CSGALNACT1: variants seen among roughly 807,000 people sequenced by gnomAD.
The protein encoded by CSGALNACT1 is chondroitin sulfate N-acetylgalactosaminyltransferase 1, also known as beta4GalNAcT-1.
In CSGALNACT1, 52 loss-of-function variants were observed where a neutral mutation model predicts 51.0. That is an observed-to-expected ratio of 1.02 (90% CI 0.82 to 1.29). CSGALNACT1 has a LOEUF of 1.29. Among genes scored for constraint, CSGALNACT1 ranks in the 50% most tolerant of loss-of-function variants. CSGALNACT1 has a pLI of 0.00. For missense variants in CSGALNACT1, 935 were observed against 679.2 expected (o/e 1.38, Z -4.19); for synonymous variants, 341 against 254.4 (o/e 1.34, Z -3.24).
chr8:19,419,852 T>C (rs2057612506), intron 7 of CSGALNACT1, among the ~76,000 whole-genome samples: 1 of 152,190 alleles, frequency 6.6e-6, no homozygotes, highest in African/African-American at 2.4e-5. Flanking sequence ...TTTGGCTGTG[T>C]CCCCACCCAA....
chr8:19,546,721 G>A (rs2086567486), intron 3 of CSGALNACT1, among the ~76,000 whole-genome samples: 2 of 152,154 alleles, frequency 1.3e-5, no homozygotes, highest in South Asian at 4.1e-4. Flanking sequence ...GCACAGAAAT[G>A]TAATAAACAA....
intron 3 of CSGALNACT1, among the ~76,000 whole-genome samples, chr8:19,569,131 A>C: frequency 6.6e-6 from 1 of 152,248 alleles, no homozygotes; most frequent in East Asian, 1.9e-4. Flanking sequence ...TATGGAGTAC[A>C]CAGTGCTACC....
chr8:19,458,334 C>A (rs17128441), intron 5 of CSGALNACT1, 92 bp downstream of exon 4: 2 of 1,059,498 alleles, frequency 1.9e-6, no homozygotes, highest in African/African-American at 1.6e-5. Flanking sequence ...GCTTTGTACT[C>A]GGCAGGGGAA....
intron 1 of CSGALNACT1, among the ~76,000 whole-genome samples, chr8:19,644,270 G>A (rs77040441): frequency 2.6e-5 from 4 of 151,842 alleles, no homozygotes; most frequent in African/African-American, 9.7e-5. Flanking sequence ...TAAAATTATA[G>A]GTAACTTATT....
At chr8:19,711,215 G>C (rs948104054) in intron 1 of CSGALNACT1, among the ~76,000 whole-genome samples, 1 of 152,112 alleles carries the variant, frequency 6.6e-6, no homozygotes, top group Non-Finnish European at 1.5e-5. Context: ...AGTGATAGTC[G>C]AGTTGTGCTG....
intron 4 of CSGALNACT1, among the ~76,000 whole-genome samples, chr8:19,491,550 C>A (rs1002867630): frequency 2.6e-5 from 4 of 152,124 alleles, no homozygotes; most frequent in African/African-American, 9.7e-5. Flanking sequence ...TCGTATTTTA[C>A]ATTTGTTTTA....
At chr8:19,627,934 A>C (rs181666556) in intron 1 of CSGALNACT1, among the ~76,000 whole-genome samples, 1 of 152,334 alleles carries the variant, frequency 6.6e-6, no homozygotes, top group East Asian at 1.9e-4. Flanking sequence ...ATAAAGTACT[A>C]TAACTATGAA....
At chr8:19,414,269 T>C (rs1363183236) in intron 8 of CSGALNACT1, among the ~76,000 whole-genome samples, 1 of 152,098 alleles carries the variant, frequency 6.6e-6, no homozygotes, top group Non-Finnish European at 1.5e-5. Flanking sequence ...GAAACCTATC[T>C]CTGGCAGAGG....
At chr8:19,629,290 C>T (rs2054887924) in intron 1 of CSGALNACT1, among the ~76,000 whole-genome samples, 1 of 152,158 alleles carries the variant, frequency 6.6e-6, no homozygotes, top group Non-Finnish European at 1.5e-5. Flanking sequence ...CTGAGACATT[C>T]AAGAAGGAAA....
At chr8:19,730,916 C>T (rs2063655768) in intron 1 of CSGALNACT1, among the ~76,000 whole-genome samples, 1 of 152,170 alleles carries the variant, frequency 6.6e-6, no homozygotes, top group Non-Finnish European at 1.5e-5. Flanking sequence ...AGAATGCGTC[C>T]TCCTGCATTC....
intron 1 of CSGALNACT1, among the ~76,000 whole-genome samples, chr8:19,709,265 C>G (rs571406220): frequency 6.6e-6 from 1 of 152,324 alleles, no homozygotes; most frequent in Non-Finnish European, 1.5e-5. Flanking sequence ...CCCTTCAATG[C>G]ATCTTGATAT....
chr8:19,457,543 G>A (rs770925226), intron 5 of CSGALNACT1: 1 of 535,942 alleles, frequency 1.9e-6, no homozygotes, highest in South Asian at 1.6e-5. Context: ...AACCTGGGAG[G>A]TGAAGGTTGC....
At chr8:19,650,732 A>T (rs983756015) in intron 1 of CSGALNACT1, among the ~76,000 whole-genome samples, 4 of 152,208 alleles carry the variant, frequency 2.6e-5, no homozygotes, top group Non-Finnish European at 5.9e-5. Flanking sequence ...CAAAGCAAGG[A>T]AACAAAACCG....
intron 5 of CSGALNACT1, among the ~76,000 whole-genome samples, chr8:19,448,905 A>C (rs766745006): frequency 5.3e-5 from 8 of 152,230 alleles, no homozygotes; most frequent in Middle Eastern, 3.2e-3. Context: ...TCCTTGGCAC[A>C]AAGGAACTGG....
upstream of CSGALNACT1, among the ~76,000 whole-genome samples, chr8:19,686,869 G>C (rs1431801444): frequency 1.3e-5 from 2 of 152,116 alleles, no homozygotes; most frequent in African/African-American, 2.4e-5. Context: ...ACTAGAGATA[G>C]GACTTCTGGT....
chr8:19,695,683 A>C (rs1196953942), intron 1 of CSGALNACT1, among the ~76,000 whole-genome samples: 1 of 152,252 alleles, frequency 6.6e-6, no homozygotes, highest in South Asian at 2.1e-4. Context: ...AAAAGCAACA[A>C]TGTCAAGACA....
upstream of CSGALNACT1, chr8:19,682,685 G>C (rs2060711238): frequency 4.4e-6 from 2 of 454,088 alleles, no homozygotes; most frequent in South Asian, 1.6e-5. Flanking sequence ...CACAAGTCTT[G>C]GGTTACTCAC....
At chr8:19,560,548 C>G (rs1371422638) in intron 3 of CSGALNACT1, among the ~76,000 whole-genome samples, 2 of 152,132 alleles carry the variant, frequency 1.3e-5, no homozygotes, top group Non-Finnish European at 2.9e-5. Flanking sequence ...TCAATAGATA[C>G]ACAACACGAT....
chr8:19,405,609 T>C, exon 10 of CSGALNACT1: 1 of 910,240 alleles, frequency 1.1e-6, no homozygotes, highest in Non-Finnish European at 1.7e-6. Flanking sequence ...AGCGGAGATT[T>C]TGATTTCTGT....
Sources: allele counts gnomAD v4.1 joint callset (sites outside exome capture counted in the v4.1 genomes callset), GRCh38; gene constraint gnomAD v4.1.1; transcripts MANE v1.5; gene names NCBI Gene and HGNC (gene_info 2026-07-23, HGNC 2026-07-21).